The following ST6GALNAC3 variants were observed in gnomAD, a reference collection of about 807,000 sequenced individuals.
ST6GALNAC3 encodes the protein alpha-N-acetylgalactosaminide alpha-2,6-sialyltransferase 3.
In ST6GALNAC3, 25 loss-of-function variants were observed where a neutral mutation model predicts 32.7. That is an observed-to-expected ratio of 0.76 (90% CI 0.56 to 1.07). The LOEUF is 1.07. Among genes scored for constraint, ST6GALNAC3 ranks in the 50% least tolerant of loss-of-function variants. The pLI, the probability that ST6GALNAC3 is intolerant of heterozygous loss-of-function variation, is 0.00. For missense variants in ST6GALNAC3, 355 were observed against 382.4 expected (o/e 0.93, Z 0.60); for synonymous variants, 129 against 133.1 (o/e 0.97, Z 0.21).
chr1:76,555,459 G>A (rs956371935), intron 3 of ST6GALNAC3, among the ~76,000 whole-genome samples: 1 of 152,082 alleles, frequency 6.6e-6, no homozygotes, highest in Non-Finnish European at 1.5e-5. Context: ...TGATTCCAAT[G>A]AGTGCATGAG....
At chr1:76,184,586 A>C (rs10873868) in intron 1 of ST6GALNAC3, among the ~76,000 whole-genome samples, 29,386 of 150,070 alleles carry the variant, frequency 0.2, 3,015 homozygotes, top group African/African-American at 0.21. Context: ...AATCCAGGGG[A>C]TTCTAGCTCT....
At chr1:76,337,390 G>A (rs146377023) in intron 2 of ST6GALNAC3, among the ~76,000 whole-genome samples, 121 of 152,282 alleles carry the variant, frequency 7.9e-4, no homozygotes, top group East Asian at 5.8e-3. Context: ...AGAAATAGTC[G>A]GGAAATTACC....
In ST6GALNAC3 at chr1:76,378,887, A is replaced by T. The variant is rs368498307; in HGVS notation, c.214-33121A>T. ...TCCATTTCAAATCAGCGGAAAAATT[A>T]TCATCAGACCTAAGAATGTTTTCTT... On this transcript the variant is annotated intron_variant, in intron 2 of 4. Transcript: ENST00000328299. Among the ~76,000 whole-genome samples the T allele has an allele frequency of 3.3e-5, 5 of 152,084 alleles. No individual in the cohort carries two copies. In the East Asian group the frequency reaches 9.8e-4, roughly 30 times the overall value.
chr1:76,145,240 A>G (rs375506630), intron 1 of ST6GALNAC3, among the ~76,000 whole-genome samples: 1 of 152,220 alleles, frequency 6.6e-6, no homozygotes, highest in South Asian at 2.1e-4. Flanking sequence ...ACCAAAGGAC[A>G]ACAATGCTTT....
intron 3 of ST6GALNAC3, among the ~76,000 whole-genome samples, chr1:76,579,115 T>G (rs1646854718): frequency 6.6e-6 from 1 of 152,124 alleles, no homozygotes; most frequent in Admixed American, 6.6e-5. Context: ...TAGCCAGTCC[T>G]GCTGATCTTT....
At chr1:76,454,440 T>A (rs4949722) in intron 3 of ST6GALNAC3, among the ~76,000 whole-genome samples, 50,690 of 151,964 alleles carry the variant, frequency 0.33, 8,649 homozygotes, top group South Asian at 0.46. Flanking sequence ...GTTTCAAGAT[T>A]TGGAGCTACC....
chr1:76,494,468 T>TATATATATATATATATACAC (rs1472545640), intron 3 of ST6GALNAC3, among the ~76,000 whole-genome samples: 3 of 59,536 alleles, frequency 5.0e-5, no homozygotes, highest in Non-Finnish European at 8.8e-5. Context: ...TATATATATA[T>TATATATATATATATATACAC]ACACACACAC....
intron 2 of ST6GALNAC3, among the ~76,000 whole-genome samples, chr1:76,369,697 C>T (rs1055052968): frequency 8.5e-5 from 13 of 152,156 alleles, no homozygotes; most frequent in African/African-American, 2.7e-4. Context: ...ACTTCTCTCT[C>T]AGAATCTCAG....
intron 3 of ST6GALNAC3, among the ~76,000 whole-genome samples, chr1:76,561,228 A>C (rs1223022113): frequency 6.6e-6 from 1 of 152,054 alleles, no homozygotes; most frequent in Non-Finnish European, 1.5e-5. Context: ...GGTTGTGGGG[A>C]AGTGGGGATG....
intron 3 of ST6GALNAC3, among the ~76,000 whole-genome samples, chr1:76,581,016 A>G (rs750116310): frequency 3.3e-5 from 5 of 152,136 alleles, no homozygotes; most frequent in Non-Finnish European, 5.9e-5. Flanking sequence ...TGGAGGTAGC[A>G]TAGAATTATG....
At position 76,148,080 on chromosome 1, in the gene ST6GALNAC3, C is replaced by T. The variant is rs147868344; in HGVS notation, c.18+73196C>T. On this transcript the variant is annotated intron_variant, in intron 1 of 4. Transcript: ENST00000328299. The stretch of plus-strand genomic sequence containing the variant: ...CTCTTACATCACTGTGGAATATGCT[C>T]AGTAAATTTATAATTAATAGAACAA... Among the ~76,000 whole-genome samples the T allele has an allele frequency of 8.2e-3, 1,253 of 152,222 alleles. 7 individuals carry two copies. Among genetic ancestry groups the T allele is most frequent in the South Asian group, 0.036 (175 of 4,822 alleles).
intron 2 of ST6GALNAC3, among the ~76,000 whole-genome samples, chr1:76,369,340 C>G (rs1314340566): frequency 6.6e-6 from 1 of 152,112 alleles, no homozygotes; most frequent in Non-Finnish European, 1.5e-5. Context: ...ACTCTTTTTT[C>G]CTCTTCCACT....
intron 3 of ST6GALNAC3, among the ~76,000 whole-genome samples, chr1:76,483,381 C>A (rs1464759511): frequency 2.0e-5 from 3 of 152,162 alleles, no homozygotes; most frequent in African/African-American, 7.2e-5. Flanking sequence ...TCCTCTCCAG[C>A]ACTTGTTCTT....
At chr1:76,617,565 G>T (rs888689768) in intron 3 of ST6GALNAC3, among the ~76,000 whole-genome samples, 1 of 152,084 alleles carries the variant, frequency 6.6e-6, no homozygotes, top group African/African-American at 2.4e-5. Context: ...TAAGTTGAAG[G>T]GTAAGTTAGG....
At chr1:76,252,281 T>G (rs572581) in intron 1 of ST6GALNAC3, among the ~76,000 whole-genome samples, 50,174 of 152,002 alleles carry the variant, frequency 0.33, 10,788 homozygotes, top group African/African-American at 0.61. Flanking sequence ...AATATGTCTC[T>G]TTCATGGTCA....
chr1:76,367,496 A>G (rs1458352355), intron 2 of ST6GALNAC3, among the ~76,000 whole-genome samples: 1 of 152,130 alleles, frequency 6.6e-6, no homozygotes, highest in Non-Finnish European at 1.5e-5. Context: ...GGTAGGGGAG[A>G]AGATTCCAAG....
At chr1:76,325,137 A>G (rs866587680) in intron 2 of ST6GALNAC3, among the ~76,000 whole-genome samples, 1 of 152,216 alleles carries the variant, frequency 6.6e-6, no homozygotes, top group Non-Finnish European at 1.5e-5. Flanking sequence ...TGGAATTGTC[A>G]TTGACTGAGA....
chr1:76,465,081 G>T (rs986185403), intron 3 of ST6GALNAC3, among the ~76,000 whole-genome samples: 1 of 152,198 alleles, frequency 6.6e-6, no homozygotes, highest in African/African-American at 2.4e-5. Flanking sequence ...AGAGTAGAGG[G>T]CATGGAATTT....
In ST6GALNAC3 at chr1:76,525,791, GTATATATATA is replaced by G. The variant is rs199721572; in HGVS notation, c.624-101633_624-101624del. 7.7e-3 allele frequency among the ~76,000 whole-genome samples: 580 copies of G among 75,562 alleles called. 8 individuals are homozygous for G. The highest frequency in any genetic ancestry group is 0.019 in the African/African-American group (537 of 28,446). 49.6% of individuals were successfully genotyped at this position (75,562 alleles called of 152,430 possible). On this transcript the variant is annotated intron_variant, in intron 3 of 4. Coordinates refer to ENST00000328299, the MANE Select transcript of ST6GALNAC3 (RefSeq NM_152996.4). ...TGTGTTTGTGTGTGTGTGTGTGTGT[GTATATATATA>G]TATATATATATATATATATATATAT...
Sources: allele counts gnomAD v4.1 joint callset (sites outside exome capture counted in the v4.1 genomes callset), GRCh38; gene constraint gnomAD v4.1.1; transcripts MANE v1.5; gene names NCBI Gene and HGNC (gene_info 2026-07-23, HGNC 2026-07-21).